Variants in GNG2 observed in about 807,000 individuals in gnomAD.
GNG2 encodes the protein G protein subunit gamma 2.
Under a neutral mutation model 5.5 loss-of-function variants are expected in GNG2, and 5 were observed. The observed-to-expected ratio is 0.91, with a 90% confidence interval of 0.48 to 1.92. GNG2 has a LOEUF of 1.92. Ranked by LOEUF, GNG2 falls within the 30% of genes most tolerant of loss-of-function variation. The pLI is 0.01. For missense variants in GNG2, 55 were observed against 88.4 expected, an observed-to-expected ratio of 0.62 and a Z score of 1.52; for synonymous variants, 28 against 32.0, an observed-to-expected ratio of 0.88 and a Z score of 0.42.
intron 1 of GNG2, among the ~76,000 whole-genome samples, chr14:51,875,573 A>G (rs935115084): frequency 2.6e-5 from 4 of 152,192 alleles, no homozygotes; most frequent in Admixed American, 1.3e-4. Context: ...ATTTTCTTCC[A>G]GTCTTTATGT....
At chr14:51,930,126 C>A (rs1211076786) in intron 2 of GNG2, among the ~76,000 whole-genome samples, 1 of 152,216 alleles carries the variant, frequency 6.6e-6, no homozygotes, top group Non-Finnish European at 1.5e-5. Flanking sequence ...CAGGCATGAG[C>A]TGGTCTTCCA....
At chr14:51,905,903 T>C (rs1179814465) in intron 2 of GNG2, among the ~76,000 whole-genome samples, 1 of 152,274 alleles carries the variant, frequency 6.6e-6, no homozygotes, top group Non-Finnish European at 1.5e-5. Context: ...CTTCCACTTA[T>C]GCCGTTATTG....
intron 2 of GNG2, among the ~76,000 whole-genome samples, chr14:51,921,929 C>T (rs1285934708): frequency 6.6e-6 from 1 of 152,180 alleles, no homozygotes; most frequent in East Asian, 1.9e-4. Flanking sequence ...ATCATTTTCT[C>T]TTCATTTCTT....
At chr14:51,915,583 T>G (rs1175677671) in intron 2 of GNG2, among the ~76,000 whole-genome samples, 1 of 152,152 alleles carries the variant, frequency 6.6e-6, no homozygotes, top group African/African-American at 2.4e-5. Context: ...TCCGTTCTCT[T>G]TTATAAAGTG....
intron 3 of GNG2, among the ~76,000 whole-genome samples, chr14:51,966,009 G>C (rs747289930): frequency 2.0e-5 from 3 of 151,766 alleles, no homozygotes; most frequent in Admixed American, 6.6e-5. Context: ...AGGAGTTCAA[G>C]ACCAGCCTGG....
chr14:51,933,336 C>T (rs1253704), intron 2 of GNG2, among the ~76,000 whole-genome samples: 29,993 of 151,910 alleles, frequency 0.2, 4,935 homozygotes, highest in African/African-American at 0.44. Context: ...GCAGGAAAGG[C>T]GCTGGGGGAA....
chr14:51,929,325 C>G (rs1887520766), intron 2 of GNG2, among the ~76,000 whole-genome samples: 2 of 152,186 alleles, frequency 1.3e-5, no homozygotes, highest in Admixed American at 6.5e-5. Context: ...TCCTATCTAC[C>G]CCCGATGGTG....
chr14:51,887,894 A>T (rs1223882802), intron 2 of GNG2, among the ~76,000 whole-genome samples: 1 of 152,256 alleles, frequency 6.6e-6, no homozygotes, highest in African/African-American at 2.4e-5. Flanking sequence ...GAAAACAACC[A>T]TATGGAAGTA....
At chr14:51,960,063 A>G (rs1889502804) in intron 3 of GNG2, among the ~76,000 whole-genome samples, 1 of 152,018 alleles carries the variant, frequency 6.6e-6, no homozygotes, top group Non-Finnish European at 1.5e-5. Context: ...TATATCTTCA[A>G]ATATTTTTTC....
chr14:51,879,980 G>A (rs1452448483), intron 2 of GNG2, among the ~76,000 whole-genome samples: 2 of 152,198 alleles, frequency 1.3e-5, no homozygotes, highest in Non-Finnish European at 2.9e-5. Context: ...ACCATCTAAT[G>A]TCTAATTATA....
At chr14:51,951,822 G>T in intron 3 of GNG2, 2 of 696,394 alleles carry the variant, frequency 2.9e-6, no homozygotes, top group South Asian at 3.0e-5. Context: ...CAGCAGAGTA[G>T]GGTGGTTGTA....
chr14:51,881,394 A>C (rs1884056696), intron 2 of GNG2, among the ~76,000 whole-genome samples: 1 of 151,924 alleles, frequency 6.6e-6, no homozygotes, highest in African/African-American at 2.4e-5. Context: ...GCGCTTCCTG[A>C]CTCCCAGCGG....
chr14:51,892,125 A>C (rs1269776229), intron 2 of GNG2, among the ~76,000 whole-genome samples: 1 of 152,104 alleles, frequency 6.6e-6, no homozygotes, highest in Non-Finnish European at 1.5e-5. Flanking sequence ...TGCTAGTTTC[A>C]TTGCAAATAT....
intron 3 of GNG2, 55 bp from the exon 4 acceptor site, chr14:51,966,504 G>A: frequency 6.5e-7 from 1 of 1,541,152 alleles, no homozygotes; most frequent in Non-Finnish European, 9.0e-7. Context: ...AAAGCCTTGG[G>A]CCTTGACTGA....
chr14:51,870,316 G>T (rs967726307), intron 1 of GNG2, among the ~76,000 whole-genome samples: 1 of 151,552 alleles, frequency 6.6e-6, no homozygotes, highest in African/African-American at 2.4e-5. Flanking sequence ...GAATCCTGGC[G>T]AAAAACACAG....
intron 2 of GNG2, among the ~76,000 whole-genome samples, chr14:51,830,048 G>T (rs1281434378): frequency 6.6e-6 from 1 of 151,990 alleles, no homozygotes; most frequent in Admixed American, 6.6e-5. Flanking sequence ...TCACCATATT[G>T]GCCAGGCTGG....
intron 1 of GNG2, among the ~76,000 whole-genome samples, chr14:51,826,815 A>G (rs1881041911): frequency 6.6e-6 from 1 of 152,238 alleles, no homozygotes; most frequent in Non-Finnish European, 1.5e-5. Context: ...TGGAATTATC[A>G]GTGAAGGAGA....
intron 2 of GNG2, among the ~76,000 whole-genome samples, chr14:51,854,647 G>A (rs913810269): frequency 6.6e-6 from 1 of 151,978 alleles, no homozygotes; most frequent in Admixed American, 6.5e-5. Flanking sequence ...CGAGTAGCTG[G>A]GATTACAGGT....
intron 2 of GNG2, among the ~76,000 whole-genome samples, chr14:51,836,282 G>T (rs567385451): frequency 6.6e-6 from 1 of 152,116 alleles, no homozygotes; most frequent in South Asian, 2.1e-4. Context: ...ATATGAATTA[G>T]TGGGGGAATG....
Sources: allele counts gnomAD v4.1 joint callset (sites outside exome capture counted in the v4.1 genomes callset), GRCh38; gene constraint gnomAD v4.1.1; transcripts MANE v1.5; gene names NCBI Gene and HGNC (gene_info 2026-07-23, HGNC 2026-07-21).